The following CADPS2 variants were observed in gnomAD, a reference collection of about 807,000 sequenced individuals.
The protein encoded by CADPS2 is calcium-dependent secretion activator 2.
A neutral mutation model predicts 172.5 loss-of-function variants in CADPS2; 93 were observed. That is an observed-to-expected ratio of 0.54 (90% CI 0.46 to 0.64). The LOEUF (loss-of-function observed/expected upper bound fraction) is 0.64, where lower values mean the gene tolerates loss of function less well. Among genes scored for constraint, CADPS2 ranks in the 30% least tolerant of loss-of-function variants. The pLI is 0.00. For synonymous variants in CADPS2, 546 were observed against 555.2 expected, an observed-to-expected ratio of 0.98 and a Z score of 0.23; for missense variants, 1,420 against 1,565.9, an observed-to-expected ratio of 0.91 and a Z score of 1.57.
intron 1 of CADPS2, among the ~76,000 whole-genome samples, chr7:122,826,601 C>T (rs1804946587): frequency 6.6e-6 from 1 of 151,668 alleles, no homozygotes; most frequent in African/African-American, 2.4e-5. Context: ...AAAAGAACAT[C>T]TCAGCAAGGC....
intron 8 of CADPS2, among the ~76,000 whole-genome samples, chr7:122,541,855 A>G (rs1477183496): frequency 6.1e-5 from 5 of 82,076 alleles, no homozygotes; most frequent in South Asian, 3.9e-4. Context: ...ATTCATATAT[A>G]TTTATATATA....
intron 1 of CADPS2, among the ~76,000 whole-genome samples, chr7:122,864,578 A>G (rs1426001798): frequency 6.6e-6 from 1 of 152,208 alleles, no homozygotes; most frequent in Non-Finnish European, 1.5e-5. Flanking sequence ...GGCTGGAACT[A>G]TTACAGCAAG....
At chr7:122,374,815 T>C (rs2042163714) in intron 25 of CADPS2, among the ~76,000 whole-genome samples, 1 of 152,130 alleles carries the variant, frequency 6.6e-6, no homozygotes, top group South Asian at 2.1e-4. Flanking sequence ...GGCAGGTGTA[T>C]ACCTATGTAG....
intron 2 of CADPS2, among the ~76,000 whole-genome samples, chr7:122,680,056 G>C (rs1159276861): frequency 6.6e-6 from 1 of 152,196 alleles, no homozygotes. Context: ...GATAGAGTCA[G>C]CTATGTTAGA....
chr7:122,706,767 T>C (rs2087607848), intron 2 of CADPS2, among the ~76,000 whole-genome samples: 1 of 148,354 alleles, frequency 6.7e-6, no homozygotes, highest in African/African-American at 2.5e-5. Context: ...ATATATAAAA[T>C]GTATGTGTGT....
intron 2 of CADPS2, among the ~76,000 whole-genome samples, chr7:122,684,407 TAGA>T (rs1255369687): frequency 6.6e-6 from 1 of 151,976 alleles, no homozygotes; most frequent in Non-Finnish European, 1.5e-5. Context: ...TTTAAACATA[TAGA>T]AAAGTTTAAA....
chr7:122,793,265 T>C (rs186409999), intron 1 of CADPS2, among the ~76,000 whole-genome samples: 1 of 152,170 alleles, frequency 6.6e-6, no homozygotes, highest in African/African-American at 2.4e-5. Context: ...GGAGTCTAAG[T>C]CTCTTGAGAA....
intron 2 of CADPS2, among the ~76,000 whole-genome samples, chr7:122,703,209 G>C (rs970073911): frequency 3.3e-5 from 5 of 152,098 alleles, no homozygotes; most frequent in Non-Finnish European, 5.9e-5. Context: ...AATCTACCCA[G>C]CCATATAATG....
At chr7:122,698,384 C>G in intron 2 of CADPS2, 1 of 1,613,986 alleles carries the variant, frequency 6.2e-7, no homozygotes, top group African/African-American at 1.3e-5. Flanking sequence ...TTTCTCCCCA[C>G]CTCAACCACG....
chr7:122,385,617 T>A lies in CADPS2; in HGVS notation c.3312+1409A>T, dbSNP rs371325777. 9.5e-4 allele frequency among the ~76,000 whole-genome samples: 144 copies of A among 152,202 alleles called. 2 individuals are homozygous for A. Among genetic ancestry groups the A allele is most frequent in the African/African-American group, 3.3e-3 (137 of 41,544 alleles). The stretch of plus-strand genomic sequence containing the variant: ...AGTCAATCCTTTACGCATAAAGGTT[T>A]TCTAACCTTGTACCTCAGGGATTCT... On this transcript the variant is annotated intron_variant, in intron 24 of 29. Coordinates refer to ENST00000449022, the MANE Select transcript of CADPS2 (RefSeq NM_017954.11).
At chr7:122,399,832 G>A (rs1332438597) in intron 20 of CADPS2, among the ~76,000 whole-genome samples, 1 of 150,064 alleles carries the variant, frequency 6.7e-6, no homozygotes, top group South Asian at 2.1e-4. Flanking sequence ...GACTACAGGC[G>A]CCCGCCACTA....
intron 14 of CADPS2, among the ~76,000 whole-genome samples, chr7:122,470,100 T>C (rs2055718606): frequency 6.6e-6 from 1 of 152,184 alleles, no homozygotes; most frequent in Admixed American, 6.5e-5. Context: ...GAACCTATTT[T>C]TAATTTAATA....
chr7:122,755,404 T>C (rs2093118727), intron 1 of CADPS2, among the ~76,000 whole-genome samples: 1 of 152,166 alleles, frequency 6.6e-6, no homozygotes, highest in African/African-American at 2.4e-5. Context: ...ATGCCTCACA[T>C]CAACTACAAA....
At chr7:122,522,306 G>T (rs2060868565) in intron 8 of CADPS2, among the ~76,000 whole-genome samples, 1 of 151,834 alleles carries the variant, frequency 6.6e-6, no homozygotes. Flanking sequence ...GTAGAGACGG[G>T]GTTTCACCAT....
At chr7:122,868,836 T>C (rs1818973543) in intron 1 of CADPS2, among the ~76,000 whole-genome samples, 1 of 152,092 alleles carries the variant, frequency 6.6e-6, no homozygotes, top group African/African-American at 2.4e-5. Context: ...AACTGATAAT[T>C]TCAACGAAGA....
intron 27 of CADPS2, among the ~76,000 whole-genome samples, chr7:122,349,801 C>T (rs1186004484): frequency 6.6e-6 from 1 of 152,132 alleles, no homozygotes; most frequent in Non-Finnish European, 1.5e-5. Flanking sequence ...GCTCTTGCTT[C>T]CTGCTGCTAC....
chr7:122,552,544 T>C (rs1186449183), intron 8 of CADPS2, among the ~76,000 whole-genome samples: 2 of 152,060 alleles, frequency 1.3e-5, no homozygotes, highest in African/African-American at 4.8e-5. Context: ...TACCCCCAAA[T>C]CAAGCCTTGT....
At chr7:122,833,723 A>G (rs1807356916) in intron 1 of CADPS2, among the ~76,000 whole-genome samples, 1 of 152,168 alleles carries the variant, frequency 6.6e-6, no homozygotes, top group African/African-American at 2.4e-5. Context: ...AGGCTGAAGA[A>G]AGAGAAGTGG....
chr7:122,877,619 T>C (rs1436308000), intron 1 of CADPS2, among the ~76,000 whole-genome samples: 1 of 152,060 alleles, frequency 6.6e-6, no homozygotes, highest in Non-Finnish European at 1.5e-5. Flanking sequence ...AATAAAAATA[T>C]AAAATATAAA....
Sources: allele counts gnomAD v4.1 joint callset (sites outside exome capture counted in the v4.1 genomes callset), GRCh38; gene constraint gnomAD v4.1.1; transcripts MANE v1.5; gene names NCBI Gene and HGNC (gene_info 2026-07-23, HGNC 2026-07-21).